The following AKAP8 variants were observed in gnomAD, a reference collection of about 807,000 sequenced individuals.
The protein encoded by AKAP8 is A-kinase anchor protein 8.
Under a neutral mutation model 67.5 loss-of-function variants are expected in AKAP8, and 24 were observed. That is an observed-to-expected ratio of 0.36 (90% confidence interval 0.26 to 0.50). The LOEUF is 0.50. AKAP8 is among the 20% of genes least tolerant of loss of function. AKAP8 has a pLI of 0.97. For synonymous variants in AKAP8, 400 were observed against 371.1 expected, an observed-to-expected ratio of 1.08 and a Z score of -0.90; for missense variants, 971 against 955.9, an observed-to-expected ratio of 1.02 and a Z score of -0.21.
chr19:15,378,124 G>A (rs1420037784), intron 1 of AKAP8, among the ~76,000 whole-genome samples: 1 of 152,214 alleles, frequency 6.6e-6, no homozygotes, highest in Non-Finnish European at 1.5e-5. Flanking sequence ...TGTCCGGAAT[G>A]CCATTCAGAG....
At position 15,374,053 on chromosome 19, in the gene AKAP8, T is replaced by C; in HGVS notation, c.104A>G (p.Tyr35Cys). Residue 35 changes from tyrosine (Y) to cysteine (C), a missense_variant, in exon 4 of 14, where the codon TAC becomes TGC. This residue lies in a region of AKAP8 where 763 missense variants were observed against 745.4 expected (regional missense o/e 1.02). Transcript: ENST00000269701. Reference sequence around the variant, plus strand: ...GGTGTTCTGGGCGCCATAGTAATTGTAGTTTTCATAACCTGTCACAGGGGG... The same window carrying C: ...GGTGTTCTGGGCGCCATAGTAATTGCAGTTTTCATAACCTGTCACAGGGGG... ...GVASWQGYEN[Y>C]NYYGAQNTSV... is the part of the protein sequence containing the mutation. 2 of 1,563,564 alleles carry C rather than the reference T, an allele frequency of 1.3e-6. No homozygotes were observed. The highest frequency in any genetic ancestry group is 8.6e-7 in the Non-Finnish European group (1 of 1,158,324).
At chr19:15,371,784 G>A (rs961436672) in intron 7 of AKAP8, among the ~76,000 whole-genome samples, 168 bp downstream of exon 7, 4 of 152,076 alleles carry the variant, frequency 2.6e-5, no homozygotes, top group East Asian at 1.9e-4. Context: ...CCACCGTGCC[G>A]GCTAAGGTGG....
At position 15,373,300 on chromosome 19, in the gene AKAP8, G is replaced by A. The variant is rs1175966049; in HGVS notation, c.412C>T (p.Pro138Ser). The stretch of plus-strand genomic sequence containing the variant: ...TAGGGGTTGTGCTCCGGCAGGCAGG[G>A]CCTGGAGTCATAGGACTCGAACGGC... ...FQPFESYDSR[P>S]CLPEHNPYRP... The change falls in exon 5 of 14, where the codon CCC becomes TCC. Residue 138 changes from proline to serine, a missense_variant. Pro to Ser is a moderately conservative substitution (Grantham distance 74, BLOSUM62 -1). This residue lies in a region of AKAP8 where 763 missense variants were observed against 745.4 expected (regional missense o/e 1.02). Coordinates refer to ENST00000269701, the MANE Select transcript of AKAP8 (RefSeq NM_005858.4). 4.3e-6 allele frequency: 7 copies of A among 1,613,302 alleles called. No homozygotes were observed. The South Asian group carries it at 6.6e-5, about 15-fold the overall frequency.
chr19:15,359,733 A>G (rs889774916), intron 12 of AKAP8, among the ~76,000 whole-genome samples: 1 of 152,064 alleles, frequency 6.6e-6, no homozygotes, highest in Non-Finnish European at 1.5e-5. Flanking sequence ...AACAAAAACA[A>G]AAACAAAAAA....
Position 15,372,854 on chromosome 19 carries a change from A to G in AKAP8, c.858T>C (p.Asp286=). ...AAGGAACCTTGCGAGGGCTTACCCG[A>G]TCCCGATCCCGCATCCGAGGCTGCG... ...GRSQPRMRDR[D]RPKRRGFDRF... Residue 286 remains aspartate, a synonymous_variant, in exon 5 of 14, where the codon GAT becomes GAC. Transcript: ENST00000269701. 6.7e-7 allele frequency: 1 copy of G among 1,500,962 alleles called. No homozygotes were observed. The highest frequency in any genetic ancestry group is 2.3e-5 in the East Asian group (1 of 43,110). The allele number at this position is 1,500,962 out of a possible 1,614,324, so 93.0% of individuals were successfully genotyped here. A position where few individuals can be genotyped will look rare whatever the true frequency, so the allele number is the denominator to read the frequency against.
chr19:15,378,842 G>A (rs1967308272), intron 1 of AKAP8, among the ~76,000 whole-genome samples: 1 of 152,196 alleles, frequency 6.6e-6, no homozygotes, highest in African/African-American at 2.4e-5. Context: ...AGCTCGAGAA[G>A]ATCGGCCCTA....
intron 1 of AKAP8, chr19:15,379,470 G>A (rs1310523893): frequency 1.1e-5 from 5 of 474,772 alleles, no homozygotes; most frequent in African/African-American, 6.2e-5. Context: ...CGCGGCGTCT[G>A]CCCCAACCCC....
At chr19:15,366,086 C>T (rs1025787232) in intron 9 of AKAP8, among the ~76,000 whole-genome samples, 8 of 92,234 alleles carry the variant, frequency 8.7e-5, no homozygotes, top group East Asian at 6.3e-4. Context: ...CTGAAGGTTT[C>T]TTTTTTTTTT....
rs2048270500 is a variant in AKAP8, at chr19:15,355,259, C to T, written c.1735G>A (p.Ala579Thr). The T allele has an allele frequency of 1.9e-6, 3 of 1,612,594 alleles. No individual in the cohort carries two copies. Among genetic ancestry groups the T allele is most frequent in the Admixed American group, 1.7e-5 (1 of 60,020 alleles). The change falls in exon 14 of 14, where the codon GCA (alanine) becomes ACA (threonine). Residue 579 changes from alanine (A) to threonine (T), a missense_variant. Ala to Thr is a moderately conservative substitution (Grantham distance 58). Coordinates refer to ENST00000269701, the MANE Select transcript of AKAP8 (RefSeq NM_005858.4). ...TPEEVAADVLAEVITAAVRAV... is the reference protein window; with the variant it reads ...TPEEVAADVLTEVITAAVRAV... ...CTCACTGCTGCTGTAATCACCTCTG[C>T]TAAGACGTCCGCGGCCACCTCCTCA...
chr19:15,373,471 G>C, intron 4 of AKAP8, 131 bp from the exon 5 acceptor site: 1 of 1,381,132 alleles, frequency 7.2e-7, no homozygotes, highest in Non-Finnish European at 9.6e-7. Flanking sequence ...CTAAGTGCTG[G>C]GATGACCAAA....
intron 2 of AKAP8, among the ~76,000 whole-genome samples, chr19:15,375,460 T>C (rs998854686): frequency 6.6e-6 from 1 of 152,122 alleles, no homozygotes; most frequent in Non-Finnish European, 1.5e-5. Context: ...ATGGTTGGGG[T>C]AAAGTTTCTA....
Position 15,373,161 on chromosome 19 carries a change from T to C in AKAP8, c.551A>G (p.Asp184Gly), listed in dbSNP as rs781056958. Residue 184 changes from aspartate (D) to glycine (G), a missense_variant, in exon 5 of 14, where the codon GAT (aspartate) becomes GGT (glycine). By Grantham distance (94) the Asp-to-Gly change is moderately conservative. Around this residue, in one of 3 missense-constraint regions of AKAP8, gnomAD observed 763 missense variants for 745.4 expected, o/e 1.02. Transcript: ENST00000269701. ...RDPARERGSL[D>G]GFMRGRGQGR... ...CTGGCCCCGGCCCCGCATGAAGCCA[T>C]CAAGGGAGCCCCGCTCCCGGGCTGG... The C allele has an allele frequency of 6.2e-7, 1 of 1,613,298 alleles. No homozygotes were observed. Among genetic ancestry groups the C allele is most frequent in the African/African-American group, 1.3e-5 (1 of 74,916 alleles).
intron 2 of AKAP8, 143 bp downstream of exon 2, chr19:15,376,833 A>G: frequency 1.1e-6 from 1 of 925,094 alleles, no homozygotes; most frequent in Non-Finnish European, 1.6e-6. Context: ...TAAAGCCACA[A>G]AGATATTCAC....
At chr19:15,367,860 G>GC (rs1967094402) in intron 9 of AKAP8, among the ~76,000 whole-genome samples, 1 of 152,260 alleles carries the variant, frequency 6.6e-6, no homozygotes, top group African/African-American at 2.4e-5. Context: ...GGGCAGGGAT[G>GC]CCCCTCAGGC....
intron 13 of AKAP8, among the ~76,000 whole-genome samples, chr19:15,357,500 T>A (rs908432124): frequency 1.4e-5 from 2 of 146,894 alleles, no homozygotes; most frequent in East Asian, 4.1e-4. Context: ...CCCAGCTACC[T>A]GGCAGGCTGA....
At chr19:15,366,154 G>GAAAAAAAAAAAAAAGAAAAAAAAAAA (rs374068497) in intron 9 of AKAP8, among the ~76,000 whole-genome samples, 1 of 95,028 alleles carries the variant, frequency 1.1e-5, no homozygotes, top group Admixed American at 1.4e-4. Flanking sequence ...AAAGCAAAAA[G>GAAAAAAAAAAAAAAGAAAAAAAAAAA]AAAAAAAAAA....
At chr19:15,366,726 C>T (rs1034024942) in intron 9 of AKAP8, among the ~76,000 whole-genome samples, 13 of 152,132 alleles carry the variant, frequency 8.5e-5, no homozygotes, top group Non-Finnish European at 1.9e-4. Flanking sequence ...TCTCCTGCCT[C>T]AGCCTCCCGA....
At position 15,362,005 on chromosome 19, in the gene AKAP8, G is replaced by A. The variant is rs553901661; in HGVS notation, c.1302+105C>T. On this transcript the variant is annotated intron_variant, in intron 10 of 13. Transcript: ENST00000269701. The stretch of plus-strand genomic sequence containing the variant: ...TACACAGCTACTCTATCTGGGAAAG[G>A]AAACCTTGGCCAAGTATAGCCTCTG... 7.4e-4 allele frequency: 1,107 copies of A among 1,500,126 alleles called. 12 individuals are homozygous for A. In the African/African-American group the frequency reaches 0.014, roughly 19 times the overall value. 92.9% of individuals were successfully genotyped at this position (1,500,126 alleles called of 1,614,324 possible).
At chr19:15,378,474 G>A (rs1008573124) in intron 1 of AKAP8, among the ~76,000 whole-genome samples, 1 of 152,174 alleles carries the variant, frequency 6.6e-6, no homozygotes, top group African/African-American at 2.4e-5. Context: ...AGAATGAAAA[G>A]AAGGAATACA....
Sources: allele counts gnomAD v4.1 joint callset (sites outside exome capture counted in the v4.1 genomes callset), GRCh38; gene constraint gnomAD v4.1.1; regional missense constraint gnomAD v4.1.1; transcripts MANE v1.5; gene names NCBI Gene and HGNC (gene_info 2026-07-23, HGNC 2026-07-21).